Variants in ESRRG observed in about 807,000 individuals in gnomAD.
ESRRG encodes estrogen related receptor gamma.
In ESRRG, 13 loss-of-function variants were observed where a neutral mutation model predicts 44.0. The ratio of observed to expected loss-of-function variants is 0.30; its 90% CI spans 0.19 to 0.47. The LOEUF is 0.47. Among genes scored for constraint, ESRRG ranks in the 20% least tolerant of loss-of-function variants. ESRRG has a pLI of 1.00. For synonymous variants in ESRRG, 215 were observed against 214.6 expected, an observed-to-expected ratio of 1.00 and a Z score of -0.02; for missense variants, 395 against 580.6, an observed-to-expected ratio of 0.68 and a Z score of 3.29.
chr1:217,003,639 C>T (rs2077359905), intron 1 of ESRRG, among the ~76,000 whole-genome samples: 1 of 147,050 alleles, frequency 6.8e-6, no homozygotes, highest in Admixed American at 6.7e-5. Flanking sequence ...ATTGAGCTAA[C>T]CAAACTCAAG....
At chr1:216,886,014 C>T (rs959956631) in intron 2 of ESRRG, among the ~76,000 whole-genome samples, 1 of 151,846 alleles carries the variant, frequency 6.6e-6, no homozygotes, top group Non-Finnish European at 1.5e-5. Flanking sequence ...TCTATTTGAC[C>T]TTCCAATTGA....
chr1:216,550,515 C>G (rs114986047), intron 5 of ESRRG, among the ~76,000 whole-genome samples: 2 of 152,062 alleles, frequency 1.3e-5, no homozygotes, highest in African/African-American at 2.4e-5. Context: ...GACTAAGCAG[C>G]CTTTACACAG....
intron 1 of ESRRG, among the ~76,000 whole-genome samples, chr1:217,057,899 C>T (rs190054034): frequency 3.7e-4 from 56 of 152,158 alleles, no homozygotes; most frequent in African/African-American, 1.2e-3. Context: ...CTTCTTCCAA[C>T]GTGGCCCAGG....
chr1:216,617,388 A>G (rs947520057), intron 3 of ESRRG, among the ~76,000 whole-genome samples: 3 of 152,126 alleles, frequency 2.0e-5, no homozygotes, highest in Admixed American at 1.3e-4. Context: ...TCCTGTGCCT[A>G]ATGTCTACAT....
At chr1:216,547,477 C>A (rs913681935) in intron 5 of ESRRG, among the ~76,000 whole-genome samples, 7 of 147,610 alleles carry the variant, frequency 4.7e-5, no homozygotes, top group African/African-American at 1.7e-4. Context: ...TAAAACTTAG[C>A]CCTACATTTA....
At chr1:217,096,788 C>T (rs1173004256) in intron 1 of ESRRG, among the ~76,000 whole-genome samples, 1 of 152,158 alleles carries the variant, frequency 6.6e-6, no homozygotes, top group East Asian at 1.9e-4. Context: ...GTCTTTGCTG[C>T]CTTTTGTGTA....
intron 5 of ESRRG, among the ~76,000 whole-genome samples, chr1:216,526,704 G>A (rs2047766416): frequency 6.6e-6 from 1 of 152,144 alleles, no homozygotes; most frequent in South Asian, 2.1e-4. Context: ...ACACTTCTGA[G>A]GAATCTTCCA....
chr1:217,030,483 T>C (rs987025292), intron 1 of ESRRG, among the ~76,000 whole-genome samples: 2 of 152,100 alleles, frequency 1.3e-5, no homozygotes, highest in African/African-American at 4.8e-5. Flanking sequence ...GAAATCTGAG[T>C]TATAGTATGA....
intron 2 of ESRRG, among the ~76,000 whole-genome samples, chr1:216,907,032 G>A (rs928877163): frequency 1.3e-5 from 2 of 152,094 alleles, no homozygotes; most frequent in African/African-American, 4.8e-5. Flanking sequence ...CATTAATTTG[G>A]AACACTGAAA....
chr1:216,655,203 T>A (rs1240967124), intron 2 of ESRRG, among the ~76,000 whole-genome samples: 1 of 152,190 alleles, frequency 6.6e-6, no homozygotes, highest in African/African-American at 2.4e-5. Flanking sequence ...CCTTGTTGAA[T>A]CCTCAGTGCT....
At chr1:216,671,095 T>C (rs2075082913) in intron 2 of ESRRG, among the ~76,000 whole-genome samples, 1 of 152,212 alleles carries the variant, frequency 6.6e-6, no homozygotes, top group Non-Finnish European at 1.5e-5. Flanking sequence ...CTTAGTTCCA[T>C]AATGGTCACT....
At chr1:216,821,698 A>T (rs1394926506) in intron 2 of ESRRG, among the ~76,000 whole-genome samples, 1 of 97,522 alleles carries the variant, frequency 1.0e-5, no homozygotes, top group African/African-American at 5.8e-5. Context: ...AAAAATAAAT[A>T]AATAAATAAA....
intron 1 of ESRRG, among the ~76,000 whole-genome samples, chr1:217,041,673 G>A (rs1416283577): frequency 6.6e-6 from 1 of 152,250 alleles, no homozygotes; most frequent in South Asian, 2.1e-4. Flanking sequence ...CATTAAAGTG[G>A]TCTTGGATAT....
chr1:216,960,429 T>C (rs1358089311), intron 1 of ESRRG, among the ~76,000 whole-genome samples: 1 of 152,200 alleles, frequency 6.6e-6, no homozygotes, highest in African/African-American at 2.4e-5. Context: ...TTTGTTTTAA[T>C]TAGAAATTTG....
chr1:216,524,249 G>GTT (rs1553295999), intron 5 of ESRRG, among the ~76,000 whole-genome samples: 4 of 108,822 alleles, frequency 3.7e-5, no homozygotes, highest in Middle Eastern at 5.2e-3. Context: ...ATATATGTAA[G>GTT]TTATATATAT....
chr1:217,020,118 C>T (rs572629362), intron 1 of ESRRG, among the ~76,000 whole-genome samples: 14 of 152,234 alleles, frequency 9.2e-5, no homozygotes, highest in South Asian at 8.3e-4. Context: ...TCACAAAGGT[C>T]CTGGTATTCC....
intron 2 of ESRRG, among the ~76,000 whole-genome samples, chr1:216,813,115 G>T (rs994405673): frequency 6.6e-6 from 1 of 152,134 alleles, no homozygotes; most frequent in South Asian, 2.1e-4. Flanking sequence ...AACAGATCTC[G>T]TGAGCTGTGA....
At chr1:216,954,124 A>G (rs1315549796) in intron 1 of ESRRG, among the ~76,000 whole-genome samples, 1 of 152,144 alleles carries the variant, frequency 6.6e-6, no homozygotes, top group Non-Finnish European at 1.5e-5. Context: ...CTTATGAGCC[A>G]AGTTACATCA....
At chr1:216,754,001 C>T (rs2092278972) in intron 2 of ESRRG, among the ~76,000 whole-genome samples, 4 of 152,062 alleles carry the variant, frequency 2.6e-5, no homozygotes, top group Admixed American at 2.6e-4. Flanking sequence ...CTCTGTGTGG[C>T]ATTTGGTTAT....
Sources: gnomAD v4.1 joint callset for allele counts (sites outside exome capture counted in the v4.1 genomes callset) on GRCh38, gnomAD v4.1.1 for gene constraint, MANE v1.5 for transcripts, NCBI Gene and HGNC (gene_info 2026-07-23, HGNC 2026-07-21) for gene names.